Variants in NAALADL2 observed in about 807,000 individuals in gnomAD.
NAALADL2 encodes inactive N-acetylated-alpha-linked acidic dipeptidase-like protein 2.
A neutral mutation model predicts 87.2 loss-of-function variants in NAALADL2; 76 were observed. That is an observed-to-expected ratio of 0.87 (90% confidence interval 0.72 to 1.05). The LOEUF is 1.05. Ranked by LOEUF, NAALADL2 falls within the 50% of genes least tolerant of loss-of-function variation. The pLI is 0.00. For missense variants in NAALADL2, 1,089 were observed against 945.8 expected, an observed-to-expected ratio of 1.15 and a Z score of -1.99; for synonymous variants, 354 against 331.0, an observed-to-expected ratio of 1.07 and a Z score of -0.75.
chr3:174,643,829 A>G (rs2108738812), intron 2 of NAALADL2, among the ~76,000 whole-genome samples: 1 of 152,344 alleles, frequency 6.6e-6, no homozygotes, highest in Middle Eastern at 3.4e-3. Context: ...CCTAATAATT[A>G]TAGACCCTAA....
intron 3 of NAALADL2, among the ~76,000 whole-genome samples, chr3:174,797,536 A>C (rs929801543): frequency 6.6e-6 from 1 of 151,674 alleles, no homozygotes; most frequent in Non-Finnish European, 1.5e-5. Context: ...TCTTGTTTCT[A>C]TTCCACTGAT....
intron 3 of NAALADL2, among the ~76,000 whole-genome samples, chr3:175,243,200 C>T (rs1747267071): frequency 1.3e-5 from 2 of 151,650 alleles, no homozygotes; most frequent in African/African-American, 4.9e-5. Flanking sequence ...AGAGACTTCT[C>T]TTTGGACCAA....
chr3:174,850,740 C>T (rs1484385061), intron 3 of NAALADL2, among the ~76,000 whole-genome samples: 1 of 152,020 alleles, frequency 6.6e-6, no homozygotes, highest in African/African-American at 2.4e-5. Flanking sequence ...CAACATGGAA[C>T]CTAATTTATA....
At chr3:175,036,675 A>G (rs931384095) in intron 1 of NAALADL2, among the ~76,000 whole-genome samples, 3 of 152,150 alleles carry the variant, frequency 2.0e-5, no homozygotes, top group African/African-American at 7.2e-5. Flanking sequence ...CTGGGATTAC[A>G]GGCATGAACC....
intron 8 of NAALADL2, among the ~76,000 whole-genome samples, chr3:175,470,463 TA>T (rs1245692456): frequency 2.6e-5 from 4 of 152,132 alleles, no homozygotes; most frequent in South Asian, 2.1e-4. Flanking sequence ...TTGTACTCCA[TA>T]AAATTATATC....
At chr3:175,696,909 G>A (rs1737868903) in intron 11 of NAALADL2, among the ~76,000 whole-genome samples, 1 of 152,020 alleles carries the variant, frequency 6.6e-6, no homozygotes, top group African/African-American at 2.4e-5. Flanking sequence ...CTTATTAGGA[G>A]CCAACTCCTT....
intron 11 of NAALADL2, among the ~76,000 whole-genome samples, chr3:175,632,297 TCTCTCTCTC>T (rs1727889785): frequency 1.6e-5 from 2 of 124,484 alleles, no homozygotes; most frequent in African/African-American, 6.8e-5. Context: ...TCTCTCTCTC[TCTCTCTCTC>T]TCTCCTACTC....
At chr3:174,668,881 T>TAC (rs1231805302) in intron 2 of NAALADL2, among the ~76,000 whole-genome samples, 1 of 151,872 alleles carries the variant, frequency 6.6e-6, no homozygotes, top group Non-Finnish European at 1.5e-5. Context: ...GCAATAAACA[T>TAC]GTGTGCATGT....
intron 2 of NAALADL2, among the ~76,000 whole-genome samples, chr3:175,185,387 A>G (rs1737184546): frequency 6.6e-6 from 1 of 152,060 alleles, no homozygotes; most frequent in Non-Finnish European, 1.5e-5. Flanking sequence ...AAATCACCCT[A>G]AATAGGTAAG....
intron 2 of NAALADL2, among the ~76,000 whole-genome samples, chr3:174,659,913 C>T (rs1286142450): frequency 6.6e-6 from 1 of 152,172 alleles, no homozygotes; most frequent in Non-Finnish European, 1.5e-5. Context: ...GTCCTGCCCT[C>T]ACCTCTCTTC....
chr3:174,715,916 TA>T (rs1731140877), intron 2 of NAALADL2, among the ~76,000 whole-genome samples: 1 of 152,186 alleles, frequency 6.6e-6, no homozygotes, highest in Non-Finnish European at 1.5e-5. Flanking sequence ...TGGTGTGTTT[TA>T]TTTTTTGTAG....
At chr3:174,874,452 G>A (rs1159258881) in intron 1 of NAALADL2, among the ~76,000 whole-genome samples, 7 of 152,090 alleles carry the variant, frequency 4.6e-5, no homozygotes, top group African/African-American at 1.7e-4. Flanking sequence ...CATTGCAGCA[G>A]GTGCACCTCA....
At chr3:174,635,477 T>C (rs934784446) in intron 2 of NAALADL2, among the ~76,000 whole-genome samples, 2 of 150,494 alleles carry the variant, frequency 1.3e-5, no homozygotes, top group Admixed American at 1.3e-4. Context: ...CATTTTGATA[T>C]TCACATTGTC....
At chr3:175,326,216 G>T (rs1431506402) in intron 5 of NAALADL2, among the ~76,000 whole-genome samples, 1 of 152,128 alleles carries the variant, frequency 6.6e-6, no homozygotes, top group Admixed American at 6.5e-5. Context: ...TTGTAACAAC[G>T]ATGTCCTTTA....
At chr3:175,656,480 A>G (rs1159044344) in intron 11 of NAALADL2, among the ~76,000 whole-genome samples, 1 of 152,178 alleles carries the variant, frequency 6.6e-6, no homozygotes, top group African/African-American at 2.4e-5. Context: ...ACTGTCAGGA[A>G]TTTTTCTAAT....
chr3:175,422,361 A>G (rs1160565515), intron 5 of NAALADL2, among the ~76,000 whole-genome samples: 1 of 152,124 alleles, frequency 6.6e-6, no homozygotes, highest in African/African-American at 2.4e-5. Flanking sequence ...AAACTTGTTC[A>G]TGTCCCAGAA....
At chr3:175,507,136 A>G (rs1730448800) in intron 9 of NAALADL2, among the ~76,000 whole-genome samples, 1 of 151,390 alleles carries the variant, frequency 6.6e-6, no homozygotes, top group East Asian at 1.9e-4. Context: ...ACAAAAGGCT[A>G]ATAAACCTTT....
chr3:175,632,071 G>C (rs986169961), intron 11 of NAALADL2, among the ~76,000 whole-genome samples: 1 of 151,948 alleles, frequency 6.6e-6, no homozygotes, highest in Admixed American at 6.6e-5. Context: ...AAAGAAGATG[G>C]AGCTTTTTCC....
chr3:175,314,767 G>A (rs1247234539), intron 4 of NAALADL2, among the ~76,000 whole-genome samples: 1 of 137,064 alleles, frequency 7.3e-6, no homozygotes, highest in Non-Finnish European at 1.6e-5. Context: ...AAGTTTTCTT[G>A]CCAGTAGGTG....
Sources: allele counts gnomAD v4.1 joint callset (sites outside exome capture counted in the v4.1 genomes callset), GRCh38; gene constraint gnomAD v4.1.1; transcripts MANE v1.5; gene names NCBI Gene and HGNC (gene_info 2026-07-23, HGNC 2026-07-21).